The following SFMBT2 variants were observed in gnomAD, a reference collection of about 807,000 sequenced individuals.
SFMBT2 encodes the protein scm-like with four MBT domains protein 2.
In SFMBT2, 38 loss-of-function variants were observed where a neutral mutation model predicts 110.1. The ratio of observed to expected loss-of-function variants is 0.35; its 90% CI spans 0.27 to 0.45. The LOEUF is 0.45. Ranked by LOEUF, SFMBT2 falls within the 20% of genes least tolerant of loss-of-function variation. SFMBT2 has a pLI of 1.00. For synonymous variants in SFMBT2, 425 were observed against 425.4 expected (o/e 1.00, Z 0.01); for missense variants, 1,011 against 1,094.9 (o/e 0.92, Z 1.08).
chr10:7,280,692 A>T lies in SFMBT2; in HGVS notation c.772+3212T>A, dbSNP rs527292645. Among the ~76,000 whole-genome samples, 3 of 152,350 alleles carry T rather than the reference A, an allele frequency of 2.0e-5. No individual in the cohort carries two copies. In the East Asian group the frequency reaches 5.8e-4, roughly 29 times the overall value. On this transcript the variant is annotated intron_variant, in intron 6 of 20. Coordinates refer to ENST00000397167, the MANE Select transcript of SFMBT2 (RefSeq NM_001387889.1). Reference sequence around the variant, plus strand: ...TATACATTACACCACTCAGCAGCCCAGCAAGATATCCTTATCCCCATGGTA... The same window carrying T: ...TATACATTACACCACTCAGCAGCCCTGCAAGATATCCTTATCCCCATGGTA...
intron 7 of SFMBT2, among the ~76,000 whole-genome samples, chr10:7,274,653 A>T (rs1841709044): frequency 6.6e-6 from 1 of 152,112 alleles, no homozygotes; most frequent in African/African-American, 2.4e-5. Context: ...TCCTTTATAA[A>T]TCACCCAGTC....
At chr10:7,231,029 C>G (rs934230739) in intron 9 of SFMBT2, among the ~76,000 whole-genome samples, 2 of 152,206 alleles carry the variant, frequency 1.3e-5, no homozygotes, top group Non-Finnish European at 2.9e-5. Context: ...ACCACCATCA[C>G]TAATTATTTT....
At position 7,288,304 on chromosome 10, in the gene SFMBT2, T is replaced by C. The variant is rs1275726790; in HGVS notation, c.437-2350A>G. Among the ~76,000 whole-genome samples, 9 of 152,310 alleles carry C rather than the reference T, an allele frequency of 5.9e-5. No homozygotes were observed. The East Asian group carries it at 1.5e-3, about 26-fold the overall frequency. On this transcript the variant is annotated intron_variant, in intron 4 of 20. Transcript: ENST00000397167. ...AACAAGGCCGAGTCCAGCTTTACCT[T>C]ATATGGCAACGTCCCAGCCTCACCC...
At chr10:7,409,090 C>CCCACCA (rs1167553339) in intron 1 of SFMBT2, among the ~76,000 whole-genome samples, 2 of 146,836 alleles carry the variant, frequency 1.4e-5, no homozygotes, top group Non-Finnish European at 3.0e-5. Flanking sequence ...TCTGCCCCAC[C>CCCACCA]CCACCACCAC....
chr10:7,208,292 T>G (rs117486342), intron 11 of SFMBT2, among the ~76,000 whole-genome samples: 2,779 of 152,276 alleles, frequency 0.018, 44 homozygotes, highest in Middle Eastern at 0.058. Context: ...CAAAGAGCAT[T>G]TGTTTCTTAG....
chr10:7,253,937 A>G (rs1002144032), intron 7 of SFMBT2, among the ~76,000 whole-genome samples: 32 of 152,216 alleles, frequency 2.1e-4, no homozygotes, highest in African/African-American at 6.8e-4. Flanking sequence ...AAAACAATTA[A>G]GAGTTTGGCT....
intron 4 of SFMBT2, among the ~76,000 whole-genome samples, chr10:7,363,802 T>C (rs1474467565): frequency 6.6e-6 from 1 of 152,020 alleles, no homozygotes; most frequent in Non-Finnish European, 1.5e-5. Flanking sequence ...AGAACTCAGA[T>C]CTTGGGCTGC....
At chr10:7,269,715 CGTGTGTGT>C (rs35063251) in intron 7 of SFMBT2, among the ~76,000 whole-genome samples, 1,300 of 38,524 alleles carry the variant, frequency 0.034, 22 homozygotes, top group African/African-American at 0.066. Flanking sequence ...TAAGTGTGTG[CGTGTGTGT>C]GTGTGTGTGT....
At chr10:7,274,909 G>A (rs557624991) in intron 7 of SFMBT2, among the ~76,000 whole-genome samples, 1 of 152,014 alleles carries the variant, frequency 6.6e-6, no homozygotes, top group Admixed American at 6.5e-5. Flanking sequence ...CATCCACTCT[G>A]AGGAAAAGCA....
At chr10:7,183,584 G>C (rs1343886075) in intron 16 of SFMBT2, among the ~76,000 whole-genome samples, 1 of 152,190 alleles carries the variant, frequency 6.6e-6, no homozygotes, top group Non-Finnish European at 1.5e-5. Flanking sequence ...GAGAAATGGA[G>C]ACTGCCATAA....
intron 9 of SFMBT2, among the ~76,000 whole-genome samples, chr10:7,230,725 G>T (rs1404830396): frequency 6.6e-6 from 1 of 152,152 alleles, no homozygotes; most frequent in Non-Finnish European, 1.5e-5. Flanking sequence ...ATGAGGTCAG[G>T]AGTTTGAGAA....
intron 4 of SFMBT2, among the ~76,000 whole-genome samples, chr10:7,364,304 G>C (rs1844821832): frequency 6.6e-6 from 1 of 152,182 alleles, no homozygotes. Flanking sequence ...AAGACTTTAA[G>C]TATTTCCATC....
chr10:7,268,666 A>G (rs1169961664), intron 7 of SFMBT2, among the ~76,000 whole-genome samples: 1 of 152,036 alleles, frequency 6.6e-6, no homozygotes, highest in Non-Finnish European at 1.5e-5. Flanking sequence ...GCCCACCACC[A>G]CGCCCAGCTA....
At chr10:7,357,577 C>T (rs1202259352) in intron 4 of SFMBT2, among the ~76,000 whole-genome samples, 1 of 152,196 alleles carries the variant, frequency 6.6e-6, no homozygotes, top group Non-Finnish European at 1.5e-5. Flanking sequence ...ACTGGTCATC[C>T]ACAATCACAT....
intron 4 of SFMBT2, among the ~76,000 whole-genome samples, chr10:7,304,073 G>A (rs1842628920): frequency 6.6e-6 from 1 of 152,208 alleles, no homozygotes; most frequent in Non-Finnish European, 1.5e-5. Flanking sequence ...ACAGGGAGCA[G>A]AGAAACAGAA....
In SFMBT2 at chr10:7,171,032, T is replaced by TCTC. The variant is rs747542096; in HGVS notation, c.2437_2439dup (p.Glu813dup). ...AACGGGTTGCTCTCCAGAACCAGTCTCTCCTCCTCCTCCTGTTTCGTGTCC... is the reference window on the plus strand; with the variant it reads ...AACGGGTTGCTCTCCAGAACCAGTCTCTCCTCCTCCTCCTCCTGTTTCGTGTCC... On this transcript the variant is annotated inframe_insertion, in exon 20 of 21. Transcript: ENST00000397167. This position sits in a 1 kb window ranked among gnomAD's most constrained non-coding sequence, Gnocchi z 4.9. The TCTC allele has an allele frequency of 5.0e-6, 8 of 1,613,966 alleles. No individual in the cohort carries two copies. The East Asian group carries it at 1.8e-4, about 36-fold the overall frequency.
chr10:7,220,581 C>T lies in SFMBT2; in HGVS notation c.1204-44G>A, dbSNP rs181926301. ...CAACACTGAGCCAGTGCTGACGCAG[C>T]AGGACAAAGCTGGGCAGATGAAGAA... On this transcript the variant is annotated intron_variant, in intron 10 of 20. Coordinates refer to ENST00000397167, the MANE Select transcript of SFMBT2 (RefSeq NM_001387889.1). 3.2e-4 allele frequency: 523 copies of T among 1,609,878 alleles called. 1 individual carries two copies. The highest frequency in any genetic ancestry group is 1.5e-3 in the Middle Eastern group (9 of 6,036).
intron 2 of SFMBT2, among the ~76,000 whole-genome samples, chr10:7,379,457 T>A (rs1845363473): frequency 6.6e-6 from 1 of 152,070 alleles, no homozygotes; most frequent in Non-Finnish European, 1.5e-5. Flanking sequence ...ACTTGTGGAA[T>A]GAAAATGCTC....
chr10:7,383,307 C>T (rs1845479372), intron 1 of SFMBT2, among the ~76,000 whole-genome samples: 1 of 152,020 alleles, frequency 6.6e-6, no homozygotes, highest in African/African-American at 2.4e-5. Flanking sequence ...AGTTCATGGT[C>T]AGCCTGGGCA....
Sources: gnomAD v4.1 joint callset for allele counts (sites outside exome capture counted in the v4.1 genomes callset) on GRCh38, gnomAD v4.1.1 for gene constraint, Gnocchi (gnomAD v3.1) non-coding constraint, MANE v1.5 for transcripts, NCBI Gene and HGNC (gene_info 2026-07-23, HGNC 2026-07-21) for gene names.